GNAT3: variants seen among roughly 807,000 people sequenced by gnomAD.
GNAT3 encodes the protein G protein subunit alpha transducin 3, also known as guanine nucleotide-binding protein G(t) subunit alpha-3.
Under a neutral mutation model 37.7 loss-of-function variants are expected in GNAT3, and 31 were observed. That is an observed-to-expected ratio of 0.82 (90% CI 0.62 to 1.11). The LOEUF is 1.11. GNAT3 is among the 50% of genes most tolerant of loss of function. GNAT3 has a pLI of 0.00. For missense variants in GNAT3, 437 were observed against 412.5 expected, an observed-to-expected ratio of 1.06 and a Z score of -0.51; for synonymous variants, 138 against 139.8, an observed-to-expected ratio of 0.99 and a Z score of 0.09.
At chr7:80,466,291 C>A (rs1048183908) in intron 5 of GNAT3, among the ~76,000 whole-genome samples, 1 of 152,060 alleles carries the variant, frequency 6.6e-6, no homozygotes, top group Non-Finnish European at 1.5e-5. Context: ...TCTTGTCAAC[C>A]TTTGTAGTCT....
intron 3 of GNAT3, among the ~76,000 whole-genome samples, chr7:80,480,915 G>A (rs1305135233): frequency 2.0e-5 from 3 of 151,888 alleles, no homozygotes; most frequent in African/African-American, 7.3e-5. Flanking sequence ...AAGCCTAGTG[G>A]GTCTCATTCT....
At chr7:80,468,203 C>G (rs373255611) in intron 5 of GNAT3, among the ~76,000 whole-genome samples, 1 of 151,884 alleles carries the variant, frequency 6.6e-6, no homozygotes, top group Non-Finnish European at 1.5e-5. Flanking sequence ...AGTAAGCAGT[C>G]GGCAAAGCTT....
chr7:80,462,009 G>T, intron 7 of GNAT3, 150 bp downstream of exon 7: 1 of 599,148 alleles, frequency 1.7e-6, no homozygotes, highest in African/African-American at 1.9e-5. Context: ...TTCTTTATTT[G>T]TAAGATTTTT....
chr7:80,461,316 G>A (rs1790046209), intron 7 of GNAT3, among the ~76,000 whole-genome samples: 1 of 152,028 alleles, frequency 6.6e-6, no homozygotes, highest in South Asian at 2.1e-4. Context: ...GGGACGCCAA[G>A]GTGGACAGAT....
chr7:80,507,053 GTTGGAAACATTA>G (rs1224688187), intron 1 of GNAT3, among the ~76,000 whole-genome samples: 1 of 151,992 alleles, frequency 6.6e-6, no homozygotes, highest in Admixed American at 6.6e-5. Context: ...AAAACAAAAA[GTTGGAAACATTA>G]TTGGGAATTT....
At chr7:80,477,979 C>T (rs1239165030) in intron 4 of GNAT3, among the ~76,000 whole-genome samples, 1 of 152,188 alleles carries the variant, frequency 6.6e-6, no homozygotes, top group Non-Finnish European at 1.5e-5. Context: ...GGTGCAGTCT[C>T]TGCCTACTGC....
chr7:80,497,535 T>C (rs1249698984), intron 1 of GNAT3, among the ~76,000 whole-genome samples: 1 of 149,242 alleles, frequency 6.7e-6, no homozygotes. Context: ...TCTCTCTCTA[T>C]ATATATACAC....
intron 3 of GNAT3, 140 bp downstream of exon 3, chr7:80,488,395 A>G: frequency 3.2e-6 from 2 of 628,458 alleles, no homozygotes; most frequent in South Asian, 6.7e-5. Context: ...CTTACACAAA[A>G]CAGAATTAAT....
At chr7:80,510,282 T>A (rs1221980600) in intron 1 of GNAT3, among the ~76,000 whole-genome samples, 3 of 152,134 alleles carry the variant, frequency 2.0e-5, no homozygotes, top group Non-Finnish European at 4.4e-5. Context: ...TTAGTCTAAA[T>A]TGTGGTATTA....
chr7:80,486,123 A>G (rs1049172579), intron 3 of GNAT3, among the ~76,000 whole-genome samples: 3 of 152,226 alleles, frequency 2.0e-5, no homozygotes, highest in African/African-American at 7.2e-5. Context: ...AATTTTAAAC[A>G]GGTCAAGAGT....
intron 5 of GNAT3, among the ~76,000 whole-genome samples, chr7:80,470,772 C>A (rs1291467016): frequency 2.0e-5 from 3 of 152,044 alleles, no homozygotes; most frequent in African/African-American, 7.2e-5. Context: ...GAGGTCTAAA[C>A]TGAAGAGTCC....
chr7:80,467,762 A>T (rs1045685262), intron 5 of GNAT3, among the ~76,000 whole-genome samples: 1 of 152,040 alleles, frequency 6.6e-6, no homozygotes, highest in African/African-American at 2.4e-5. Flanking sequence ...GAAAACATGT[A>T]TATTTGCTGC....
intron 5 of GNAT3, among the ~76,000 whole-genome samples, chr7:80,473,402 A>G (rs1790251385): frequency 6.6e-6 from 1 of 152,138 alleles, no homozygotes. Flanking sequence ...ATGTTGATTA[A>G]TTACCATTTT....
At chr7:80,501,205 T>G (rs1790827166) in intron 1 of GNAT3, among the ~76,000 whole-genome samples, 2 of 152,092 alleles carry the variant, frequency 1.3e-5, no homozygotes, top group South Asian at 4.1e-4. Flanking sequence ...CTTTTTATTT[T>G]GATAATTAAT....
At chr7:80,482,462 T>G (rs1289405003) in intron 3 of GNAT3, among the ~76,000 whole-genome samples, 2 of 151,998 alleles carry the variant, frequency 1.3e-5, no homozygotes, top group Non-Finnish European at 2.9e-5. Flanking sequence ...TGTTTTTCTT[T>G]CTTATTTTCT....
chr7:80,469,661 T>C (rs1363944257), intron 5 of GNAT3, among the ~76,000 whole-genome samples: 1 of 152,152 alleles, frequency 6.6e-6, no homozygotes, highest in Non-Finnish European at 1.5e-5. Flanking sequence ...AATTGAGCCT[T>C]TGGTTTTAAA....
chr7:80,473,924 C>A (rs925990157), intron 5 of GNAT3, among the ~76,000 whole-genome samples: 2 of 152,082 alleles, frequency 1.3e-5, no homozygotes, highest in Non-Finnish European at 2.9e-5. Context: ...TCCTGGCACC[C>A]ATTTCTTGTA....
In GNAT3 at chr7:80,485,840, A is replaced by T. The variant is rs111766438; in HGVS notation, c.303+2695T>A. On this transcript the variant is annotated intron_variant, in intron 3 of 7. Coordinates refer to ENST00000398291, the MANE Select transcript of GNAT3 (RefSeq NM_001102386.3). ...TCTTATGTTTTTGCTTCCTTCTTTA[A>T]TAGTCATTGTAACTCAAGGAGGAAA... Among the ~76,000 whole-genome samples the T allele has an allele frequency of 6.2e-3, 945 of 152,156 alleles. 6 individuals are homozygous for T. The highest frequency in any genetic ancestry group is 7.6e-3 in the Non-Finnish European group (519 of 68,010).
At chr7:80,509,890 G>T (rs1346939720) in intron 1 of GNAT3, among the ~76,000 whole-genome samples, 3 of 151,882 alleles carry the variant, frequency 2.0e-5, no homozygotes, top group African/African-American at 4.8e-5. Flanking sequence ...TGTCCAACAC[G>T]ATATGTTGAA....
Sources: allele counts gnomAD v4.1 joint callset (sites outside exome capture counted in the v4.1 genomes callset), GRCh38; gene constraint gnomAD v4.1.1; transcripts MANE v1.5; gene names NCBI Gene and HGNC (gene_info 2026-07-23, HGNC 2026-07-21).